The following RPAP3 variants were observed in gnomAD, a reference collection of about 807,000 sequenced individuals.
RPAP3 encodes the protein RNA polymerase II-associated protein 3.
A neutral mutation model predicts 88.8 loss-of-function variants in RPAP3; 58 were observed. The observed-to-expected ratio is 0.65, with a 90% confidence interval of 0.53 to 0.81. RPAP3 has a LOEUF of 0.81. RPAP3 is among the 40% of genes least tolerant of loss of function. The probability of loss-of-function intolerance (pLI) is 0.00; values close to 1 mark genes in which losing one functional copy is unlikely to be tolerated. For missense variants in RPAP3, 751 were observed against 764.3 expected (o/e 0.98, Z 0.20); for synonymous variants, 255 against 259.9 (o/e 0.98, Z 0.18).
At position 47,690,571 on chromosome 12, in the gene RPAP3, G is replaced by A. The variant is rs202047980; in HGVS notation, c.614C>T (p.Ser205Phe). Reference sequence around the variant, plus strand: ...AGCAAATCGAGCAGCACCTCGTCTGGAATAAGCCTTTGTATAACTTCTATT... The same window carrying A: ...AGCAAATCGAGCAGCACCTCGTCTGAAATAAGCCTTTGTATAACTTCTATT... ...ALNRSYTKAYSRRGAARFALQ... is the reference protein window; with the variant it reads ...ALNRSYTKAYFRRGAARFALQ... The change falls in exon 6 of 17, where the codon TCC (serine) becomes TTC (phenylalanine). Residue 205 changes from serine to phenylalanine, a missense_variant. By Grantham distance (155) the Ser-to-Phe change is radical. Coordinates refer to ENST00000005386, the MANE Select transcript of RPAP3 (RefSeq NM_024604.3). 1 of 1,603,408 alleles carries A rather than the reference G, an allele frequency of 6.2e-7. No individual in the cohort carries two copies. The highest frequency in any genetic ancestry group is 1.3e-5 in the African/African-American group (1 of 74,806).
At chr12:47,688,081 T>C in intron 7 of RPAP3, 80 bp from the exon 8 acceptor site, 1 of 1,167,684 alleles carries the variant, frequency 8.6e-7, no homozygotes, top group East Asian at 2.9e-5. Flanking sequence ...CATAAATACC[T>C]CAAATATATT....
intron 12 of RPAP3, among the ~76,000 whole-genome samples, chr12:47,678,767 G>A (rs367626251): frequency 6.6e-6 from 1 of 152,186 alleles, no homozygotes; most frequent in Admixed American, 6.5e-5. Flanking sequence ...TGGAGAGGAT[G>A]TGGAGAAATA....
chr12:47,672,127 G>C (rs181206922), intron 12 of RPAP3, among the ~76,000 whole-genome samples: 17 of 152,216 alleles, frequency 1.1e-4, no homozygotes, highest in Admixed American at 3.3e-4. Context: ...TATTTTAGCA[G>C]AGACAAAAGG....
At chr12:47,687,748 A>G in intron 8 of RPAP3, 128 bp downstream of exon 8, 1 of 1,109,560 alleles carries the variant, frequency 9.0e-7, no homozygotes. Flanking sequence ...GCTTTAGTGC[A>G]TTTAATTCCC....
At chr12:47,667,904 A>C in intron 14 of RPAP3, 53 bp from the exon 15 acceptor site, 1 of 1,129,250 alleles carries the variant, frequency 8.9e-7, no homozygotes, top group African/African-American at 1.5e-5. Flanking sequence ...TACATATCAC[A>C]AATTACACAA....
chr12:47,694,349 G>T (rs1939482691), intron 5 of RPAP3, among the ~76,000 whole-genome samples: 1 of 152,174 alleles, frequency 6.6e-6, no homozygotes, highest in Non-Finnish European at 1.5e-5. Flanking sequence ...AATAGAGCTG[G>T]AAAAACCTTC....
intron 9 of RPAP3, among the ~76,000 whole-genome samples, chr12:47,685,538 G>C (rs1286095726): frequency 6.6e-6 from 1 of 152,100 alleles, no homozygotes; most frequent in Non-Finnish European, 1.5e-5. Context: ...ATACTCTTGT[G>C]ACAAGGCTGG....
rs1391388164 is a variant in RPAP3, at chr12:47,687,981, G to A, written c.759C>T (p.Asn253=). ...CTATGTCAGCTTCCTTTGGATATGA[G>A]TTTTCTTTGGATGCTAAAGCCTAGG... ...KISQALASKE[N]SYPKEADIVI... The change falls in exon 8 of 17, where the codon AAC becomes AAT. Residue 253 remains asparagine (N), a synonymous_variant. Transcript: ENST00000005386. The A allele has an allele frequency of 1.2e-6, 2 of 1,612,774 alleles. No homozygotes were observed. The highest frequency in any genetic ancestry group is 1.1e-5 in the South Asian group (1 of 90,982).
chr12:47,663,902 G>T (rs1938812380), intron 16 of RPAP3, among the ~76,000 whole-genome samples: 1 of 152,048 alleles, frequency 6.6e-6, no homozygotes, highest in Non-Finnish European at 1.5e-5. Flanking sequence ...CCCTATCTGT[G>T]TAACAAGTGT....
At chr12:47,685,351 C>G (rs1185377642) in intron 9 of RPAP3, among the ~76,000 whole-genome samples, 1 of 149,140 alleles carries the variant, frequency 6.7e-6, no homozygotes, top group African/African-American at 2.5e-5. Context: ...TGCACTCCAG[C>G]CTGGGTGACA....
chr12:47,680,400 G>A (rs1939200029), intron 10 of RPAP3, among the ~76,000 whole-genome samples: 1 of 152,050 alleles, frequency 6.6e-6, no homozygotes, highest in East Asian at 1.9e-4. Flanking sequence ...CAATGTAAAT[G>A]TATTTAATGC....
rs749599471 is a variant in RPAP3, at chr12:47,679,509, G to C, written c.1271C>G (p.Pro424Arg). 1.3e-6 allele frequency: 2 copies of C among 1,598,346 alleles called. No individual in the cohort carries two copies. Among genetic ancestry groups the C allele is most frequent in the African/African-American group, 2.7e-5 (2 of 74,666 alleles). Residue 424 changes from proline to arginine, a missense_variant, in exon 12 of 17, where the codon CCG (proline) becomes CGG (arginine). Coordinates refer to ENST00000005386, the MANE Select transcript of RPAP3 (RefSeq NM_024604.3). Reference protein sequence around the residue: ...QNVVKPIDNPPHPGSTKPLKK... With the variant: ...QNVVKPIDNPRHPGSTKPLKK... ...TTTACTTACAGTTGATCCAGGATGC[G>C]GTGGATTATCAATGGGTTTTACCAC... is the stretch of plus-strand genomic sequence containing the variant.
chr12:47,681,557 T>C, intron 10 of RPAP3, 139 bp downstream of exon 10: 2 of 836,374 alleles, frequency 2.4e-6, no homozygotes, highest in Non-Finnish European at 1.8e-6. Context: ...CCAAATCTAT[T>C]CGTGATCTAA....
intron 12 of RPAP3, among the ~76,000 whole-genome samples, chr12:47,675,654 C>T (rs1185771796): frequency 2.6e-5 from 4 of 152,110 alleles, no homozygotes; most frequent in Non-Finnish European, 5.9e-5. Flanking sequence ...AAGAAAGCCA[C>T]TACCTAATGG....
intron 12 of RPAP3, among the ~76,000 whole-genome samples, chr12:47,676,474 G>A (rs1939118569): frequency 6.6e-6 from 1 of 152,002 alleles, no homozygotes; most frequent in Admixed American, 6.6e-5. Flanking sequence ...TTTTTGAAAA[G>A]ATCATCAAAA....
At chr12:47,673,206 G>A (rs1163056596) in intron 12 of RPAP3, among the ~76,000 whole-genome samples, 1 of 151,986 alleles carries the variant, frequency 6.6e-6, no homozygotes, top group East Asian at 1.9e-4. Context: ...ACTTTGGGAG[G>A]CCAAGGTGGG....
chr12:47,697,786 T>C (rs1210767862), intron 3 of RPAP3, 67 bp from the exon 4 acceptor site: 5 of 1,418,418 alleles, frequency 3.5e-6, no homozygotes, highest in African/African-American at 1.5e-5. Flanking sequence ...AAAAAAGACA[T>C]ACTAAAAAAA....
chr12:47,688,813 T>C (rs1939374060), intron 7 of RPAP3, among the ~76,000 whole-genome samples: 1 of 152,188 alleles, frequency 6.6e-6, no homozygotes, highest in African/African-American at 2.4e-5. Flanking sequence ...TTTCTCTCAA[T>C]GTTTCAGTCA....
At chr12:47,672,087 G>GA (rs60063883) in intron 12 of RPAP3, among the ~76,000 whole-genome samples, 25,710 of 150,124 alleles carry the variant, frequency 0.17, 2,779 homozygotes, top group Admixed American at 0.32. Context: ...GACAAATGAA[G>GA]AAAAAAAAAG....
Sources: allele counts gnomAD v4.1 joint callset (sites outside exome capture counted in the v4.1 genomes callset), GRCh38; gene constraint gnomAD v4.1.1; transcripts MANE v1.5; gene names NCBI Gene and HGNC (gene_info 2026-07-23, HGNC 2026-07-21).